The following MSTO1 variants were observed in gnomAD, a reference collection of about 807,000 sequenced individuals.
MSTO1 encodes protein misato homolog 1.
In MSTO1, 24 loss-of-function variants were observed where a neutral mutation model predicts 55.7. The observed-to-expected ratio is 0.43, with a 90% CI of 0.31 to 0.61. The LOEUF (loss-of-function observed/expected upper bound fraction) is 0.61. Ranked by LOEUF, MSTO1 falls within the 20% of genes least tolerant of loss-of-function variation. The pLI is 0.09. For synonymous variants in MSTO1, 162 were observed against 252.8 expected (o/e 0.64, Z 3.41); for missense variants, 363 against 625.7 (o/e 0.58, Z 4.48).
chr1:155,579,154 A>C, the MSTO1 span, among the ~76,000 whole-genome samples: 2 of 151,766 alleles, frequency 1.3e-5, no homozygotes, highest in Admixed American at 1.3e-4. Flanking sequence ...CTGAAAATAC[A>C]AAATTAGCTG....
chr1:155,563,383 T>C, the MSTO1 span: 1 of 456,572 alleles, frequency 2.2e-6, no homozygotes. Context: ...GGAGCGGGAC[T>C]CCGGACCTCC....
chr1:155,595,271 G>A, the MSTO1 span, among the ~76,000 whole-genome samples: 1 of 148,344 alleles, frequency 6.7e-6, no homozygotes, highest in East Asian at 2.0e-4. Flanking sequence ...TCTGCCTGCC[G>A]GGTTCACTCC....
At chr1:155,564,376 C>A in the MSTO1 span, among the ~76,000 whole-genome samples, 1 of 152,146 alleles carries the variant, frequency 6.6e-6, no homozygotes, top group Non-Finnish European at 1.5e-5. Flanking sequence ...CGCCTGTAAT[C>A]CCAGCTACTC....
the MSTO1 span, chr1:155,590,957 T>C: frequency 1.2e-6 from 2 of 1,613,832 alleles, no homozygotes; most frequent in Non-Finnish European, 1.7e-6. Context: ...GTGGTACACT[T>C]GGCCCCAGCA....
upstream of MSTO1, chr1:155,610,085 A>G: frequency 1.5e-6 from 1 of 681,358 alleles, no homozygotes. Flanking sequence ...ACGTCTAGGA[A>G]GAGGTAGGAA....
At chr1:155,581,665 G>C in the MSTO1 span, among the ~76,000 whole-genome samples, 2 of 152,018 alleles carry the variant, frequency 1.3e-5, no homozygotes, top group Admixed American at 1.3e-4. Flanking sequence ...GCCTCCCAAA[G>C]TACTGGGATT....
chr1:155,602,852 A>G, the MSTO1 span, among the ~76,000 whole-genome samples: 5 of 151,938 alleles, frequency 3.3e-5, no homozygotes, highest in African/African-American at 9.7e-5. Flanking sequence ...TTCTCCAGAC[A>G]ATATCTTTTT....
the MSTO1 span, among the ~76,000 whole-genome samples, chr1:155,568,472 T>G: frequency 6.6e-6 from 1 of 152,062 alleles, no homozygotes; most frequent in Non-Finnish European, 1.5e-5. Context: ...GCGGTCTCAC[T>G]CTGTTGCCCA....
At chr1:155,587,745 G>GAAAAA in the MSTO1 span, among the ~76,000 whole-genome samples, 1,087 of 47,400 alleles carry the variant, frequency 0.023, 7 homozygotes, top group Middle Eastern at 0.037. Context: ...CTCCGTCTCA[G>GAAAAA]AAAAAAAAAA....
chr1:155,600,825 T>C, the MSTO1 span, among the ~76,000 whole-genome samples: 5 of 152,044 alleles, frequency 3.3e-5, no homozygotes, highest in South Asian at 2.1e-4. Flanking sequence ...TAAAGTCACC[T>C]GCCACCACGC....
chr1:155,572,641 G>GA, the MSTO1 span, among the ~76,000 whole-genome samples: 13 of 151,932 alleles, frequency 8.6e-5, no homozygotes, highest in Non-Finnish European at 1.9e-4. Context: ...GAACCCGGGA[G>GA]ATGGAGAATT....
chr1:155,598,583 G>A, the MSTO1 span, among the ~76,000 whole-genome samples: 2 of 152,100 alleles, frequency 1.3e-5, no homozygotes, highest in African/African-American at 4.8e-5. Flanking sequence ...TTAGCCAGGC[G>A]TGGTGGTACA....
chr1:155,602,138 C>T, the MSTO1 span: 1 of 710,516 alleles, frequency 1.4e-6, no homozygotes, highest in South Asian at 1.4e-5. Context: ...GCGCTTTGAT[C>T]AACCTTTAGA....
At chr1:155,568,085 TTTTA>T in the MSTO1 span, among the ~76,000 whole-genome samples, 544 of 146,438 alleles carry the variant, frequency 3.7e-3, 5 homozygotes, top group African/African-American at 0.014. Flanking sequence ...TTTTATTTTA[TTTTA>T]TTTTTTTTGA....
At chr1:155,602,919 C>G in the MSTO1 span, among the ~76,000 whole-genome samples, 2 of 152,028 alleles carry the variant, frequency 1.3e-5, no homozygotes, top group Non-Finnish European at 2.9e-5. Flanking sequence ...TCTTGGATAC[C>G]CTGTCTAGAC....
upstream of MSTO1, among the ~76,000 whole-genome samples, chr1:155,606,653 A>G (rs1260975914): frequency 2.6e-5 from 4 of 151,726 alleles, no homozygotes; most frequent in East Asian, 7.8e-4. Context: ...TCAGCCTCCC[A>G]AAGTGCTGGG....
At chr1:155,604,681 G>C in the MSTO1 span, among the ~76,000 whole-genome samples, 5 of 152,026 alleles carry the variant, frequency 3.3e-5, no homozygotes, top group African/African-American at 1.2e-4. Flanking sequence ...TTCAAAGCCC[G>C]TCTGGGCAAC....
At chr1:155,603,818 A>T in the MSTO1 span, among the ~76,000 whole-genome samples, 1 of 152,206 alleles carries the variant, frequency 6.6e-6, no homozygotes, top group Non-Finnish European at 1.5e-5. Flanking sequence ...AGATCACGCC[A>T]CTGTACTCCA....
Position 155,614,657 on chromosome 1 carries a change from T to C in MSTO1, c.*384T>C. 1 of 1,476,016 alleles carries C rather than the reference T, an allele frequency of 6.8e-7. No homozygotes were observed. The highest frequency in any genetic ancestry group is 1.1e-5 in the South Asian group (1 of 87,318). The allele number at this position is 1,476,016 out of a possible 1,614,324, so 91.4% of individuals were successfully genotyped here. ...AAGGACTGTACAAGCAGAGTACAAC[T>C]ACCCGCCTCCCCGGTGCCAGGGCGC... On this transcript the variant is annotated 3_prime_UTR_variant, in exon 14 of 14. Transcript: ENST00000245564.
Sources: gnomAD v4.1 joint callset for allele counts (sites outside exome capture counted in the v4.1 genomes callset) on GRCh38, gnomAD v4.1.1 for gene constraint, MANE v1.5 for transcripts, NCBI Gene and HGNC (gene_info 2026-07-23, HGNC 2026-07-21) for gene names.